KDM4C: variants seen among roughly 807,000 people sequenced by gnomAD.
KDM4C encodes the protein lysine demethylase 4C.
KDM4C carries 81 observed loss-of-function variants against 129.3 expected under a neutral mutation model. That is an observed-to-expected ratio of 0.63 (90% CI 0.52 to 0.75). KDM4C has a LOEUF of 0.75. Ranked by LOEUF, KDM4C falls within the 30% of genes least tolerant of loss-of-function variation. The probability of loss-of-function intolerance (pLI) is 0.00; values close to 1 mark genes in which losing one functional copy is unlikely to be tolerated. For synonymous variants in KDM4C, 573 were observed against 456.1 expected, an observed-to-expected ratio of 1.26 and a Z score of -3.26; for missense variants, 1,457 against 1,304.0, an observed-to-expected ratio of 1.12 and a Z score of -1.81.
intron 16 of KDM4C, 89 bp from the exon 17 acceptor site, chr9:7,049,003 A>G (rs1284614981): frequency 4.9e-6 from 4 of 823,406 alleles, no homozygotes; most frequent in Admixed American, 2.0e-5. Flanking sequence ...TCATCTGTGT[A>G]TTTCCCATCT....
chr9:7,066,557 G>C (rs1190561783), intron 17 of KDM4C, among the ~76,000 whole-genome samples: 2 of 152,098 alleles, frequency 1.3e-5, no homozygotes, highest in Non-Finnish European at 2.9e-5. Context: ...ATTATTTTAA[G>C]ATCATTTTAG....
intron 8 of KDM4C, among the ~76,000 whole-genome samples, chr9:6,972,274 T>C (rs1832125950): frequency 6.6e-6 from 1 of 151,878 alleles, no homozygotes; most frequent in Admixed American, 6.6e-5. Flanking sequence ...TATACACACA[T>C]ATGTATATAA....
chr9:6,992,863 C>T (rs1195520695), intron 12 of KDM4C, among the ~76,000 whole-genome samples: 9 of 152,134 alleles, frequency 5.9e-5, no homozygotes, highest in Non-Finnish European at 1.3e-4. Flanking sequence ...TGTTGGTGAA[C>T]GAGCATTTCT....
intron 18 of KDM4C, among the ~76,000 whole-genome samples, chr9:7,111,987 C>T (rs1355160423): frequency 6.6e-6 from 1 of 151,902 alleles, no homozygotes; most frequent in East Asian, 1.9e-4. Context: ...GGGAGCAAGA[C>T]CCACAGGTAC....
intron 1 of KDM4C, among the ~76,000 whole-genome samples, chr9:6,767,241 C>T (rs1053095823): frequency 6.6e-6 from 1 of 151,966 alleles, no homozygotes; most frequent in South Asian, 2.1e-4. Flanking sequence ...TGGGTTCACG[C>T]CATTCTCCTG....
chr9:7,041,100 C>A (rs953858499), intron 15 of KDM4C, among the ~76,000 whole-genome samples: 2 of 151,278 alleles, frequency 1.3e-5, no homozygotes, highest in Non-Finnish European at 2.9e-5. Context: ...ATATGGCCCT[C>A]TGTATCCATG....
At chr9:6,791,091 G>A (rs1263279562) in intron 1 of KDM4C, among the ~76,000 whole-genome samples, 2 of 151,962 alleles carry the variant, frequency 1.3e-5, no homozygotes, top group African/African-American at 4.8e-5. Flanking sequence ...CCCCTTTCTG[G>A]GAAAATGATT....
chr9:7,104,137 T>C, intron 18 of KDM4C: 1 of 403,440 alleles, frequency 2.5e-6, no homozygotes, highest in South Asian at 3.0e-5. Context: ...AAACTCTCCA[T>C]GCCTGTTCTG....
intron 4 of KDM4C, among the ~76,000 whole-genome samples, chr9:6,818,562 G>T (rs1721802244): frequency 6.6e-6 from 1 of 152,184 alleles, no homozygotes; most frequent in Admixed American, 6.5e-5. Flanking sequence ...TGATGGTGAG[G>T]GATGTGGGCA....
intron 8 of KDM4C, among the ~76,000 whole-genome samples, chr9:6,919,799 T>C (rs983685698): frequency 7.9e-5 from 12 of 152,036 alleles, no homozygotes; most frequent in Admixed American, 3.3e-4. Flanking sequence ...GGTCTTGAAC[T>C]CCTGGCCTCA....
intron 2 of KDM4C, among the ~76,000 whole-genome samples, chr9:6,803,247 A>T (rs978582258): frequency 6.6e-5 from 10 of 152,190 alleles, no homozygotes; most frequent in African/African-American, 2.2e-4. Flanking sequence ...CATTTTCTAC[A>T]TGTGTGCTGT....
At chr9:6,804,226 A>T (rs754131425) in intron 2 of KDM4C, among the ~76,000 whole-genome samples, 17 of 152,222 alleles carry the variant, frequency 1.1e-4, no homozygotes, top group Admixed American at 2.6e-4. Flanking sequence ...GCAGGCAAAC[A>T]CTGGTGTGCT....
At chr9:7,116,398 G>T (rs1838898220) in intron 18 of KDM4C, among the ~76,000 whole-genome samples, 1 of 152,170 alleles carries the variant, frequency 6.6e-6, no homozygotes, top group African/African-American at 2.4e-5. Flanking sequence ...CTGTATCTGA[G>T]AAAGTAACTT....
At chr9:6,785,418 A>C (rs987742447) in intron 1 of KDM4C, among the ~76,000 whole-genome samples, 3 of 150,636 alleles carry the variant, frequency 2.0e-5, no homozygotes, top group Non-Finnish European at 4.4e-5. Context: ...CTCACTGCAA[A>C]CTCTGCCTCC....
intron 5 of KDM4C, among the ~76,000 whole-genome samples, chr9:6,862,107 T>C (rs1841045244): frequency 6.6e-6 from 1 of 152,122 alleles, no homozygotes; most frequent in Admixed American, 6.6e-5. Context: ...TAGCAGTCAA[T>C]TGTATGATCT....
chr9:7,157,964 G>A (rs972336124), intron 19 of KDM4C, among the ~76,000 whole-genome samples: 1 of 152,142 alleles, frequency 6.6e-6, no homozygotes, highest in Non-Finnish European at 1.5e-5. Flanking sequence ...GATAGAATTC[G>A]GCTGTGAATC....
chr9:6,843,106 T>A (rs145800423), intron 4 of KDM4C, among the ~76,000 whole-genome samples: 3 of 152,260 alleles, frequency 2.0e-5, no homozygotes, highest in Non-Finnish European at 4.4e-5. Flanking sequence ...ATTTTTATAT[T>A]TTTATAGAGA....
chr9:6,864,895 T>C (rs1298138194), intron 5 of KDM4C, among the ~76,000 whole-genome samples: 1 of 151,956 alleles, frequency 6.6e-6, no homozygotes, highest in Admixed American at 6.6e-5. Context: ...CTTGATCAAT[T>C]CTGCTGTTGA....
intron 17 of KDM4C, chr9:7,076,657 G>C (rs985480638): frequency 5.1e-5 from 66 of 1,306,334 alleles, no homozygotes; most frequent in Non-Finnish European, 5.1e-5. Flanking sequence ...TTTTGTATCT[G>C]TCATTTTCCT....
Sources: allele counts gnomAD v4.1 joint callset (sites outside exome capture counted in the v4.1 genomes callset), GRCh38; gene constraint gnomAD v4.1.1; transcripts MANE v1.5; gene names NCBI Gene and HGNC (gene_info 2026-07-23, HGNC 2026-07-21).